BCAS3: variants seen among roughly 807,000 people sequenced by gnomAD.
BCAS3 encodes the protein BCAS4/BCAS3 fusion.
A neutral mutation model predicts 116.1 loss-of-function variants in BCAS3; 53 were observed. The ratio of observed to expected loss-of-function variants is 0.46; its 90% CI spans 0.37 to 0.57. The LOEUF (loss-of-function observed/expected upper bound fraction) is 0.57, where lower values mean the gene tolerates loss of function less well. Ranked by LOEUF, BCAS3 falls within the 20% of genes least tolerant of loss-of-function variation. The pLI is 0.00. For missense variants in BCAS3, 917 were observed against 1,165.4 expected, an observed-to-expected ratio of 0.79 and a Z score of 3.10; for synonymous variants, 391 against 408.2, an observed-to-expected ratio of 0.96 and a Z score of 0.51.
At chr17:60,913,433 C>A (rs2058620910) in intron 12 of BCAS3, among the ~76,000 whole-genome samples, 2 of 152,032 alleles carry the variant, frequency 1.3e-5, no homozygotes, top group African/African-American at 4.8e-5. Context: ...GCAACAAGAT[C>A]TGTGCAGTAT....
At chr17:60,921,109 T>A (rs1234738194) in intron 12 of BCAS3, among the ~76,000 whole-genome samples, 1 of 152,032 alleles carries the variant, frequency 6.6e-6, no homozygotes, top group Non-Finnish European at 1.5e-5. Flanking sequence ...AAAAGAGACA[T>A]GTATATTAAT....
intron 22 of BCAS3, among the ~76,000 whole-genome samples, chr17:61,322,383 A>T (rs2055292336): frequency 6.6e-6 from 1 of 152,168 alleles, no homozygotes; most frequent in East Asian, 1.9e-4. Flanking sequence ...AGTTTTTAAG[A>T]TCAGAAAGAA....
intron 22 of BCAS3, among the ~76,000 whole-genome samples, chr17:61,108,411 A>C (rs1013866027): frequency 2.0e-5 from 3 of 152,008 alleles, no homozygotes; most frequent in African/African-American, 7.3e-5. Context: ...TTTGTAGACC[A>C]TTTACATTGA....
At chr17:60,733,661 G>C (rs1476028762) in intron 5 of BCAS3, among the ~76,000 whole-genome samples, 2 of 152,006 alleles carry the variant, frequency 1.3e-5, no homozygotes, top group Non-Finnish European at 2.9e-5. Context: ...GGGCAACTTT[G>C]TGAGACCCCA....
In BCAS3 at chr17:61,082,384, A is replaced by G. The variant is rs879670711; in HGVS notation, c.2328-2083A>G. ...TTCTCTTTTTTTAATTATGAAGAAA[A>G]TTCAAACATGTATAAAATAAAAAGA... is the stretch of plus-strand genomic sequence containing the variant. On this transcript the variant is annotated intron_variant, in intron 21 of 23. Transcript: ENST00000407086. This position sits in a 1 kb window ranked among gnomAD's most constrained non-coding sequence, Gnocchi z 5.1. Among the ~76,000 whole-genome samples, 2 of 152,108 alleles carry G rather than the reference A, an allele frequency of 1.3e-5. No homozygotes were observed. The highest frequency in any genetic ancestry group is 2.9e-5 in the Non-Finnish European group (2 of 68,028).
Position 61,388,186 on chromosome 17 carries a change from C to G in BCAS3, c.2594-3791C>G, listed in dbSNP as rs1339544237. The G allele has an allele frequency of 1.9e-5, 3 of 157,846 alleles. No individual in the cohort carries two copies. The highest frequency in any genetic ancestry group is 7.2e-5 in the African/African-American group (3 of 41,546). 9.8% of individuals were successfully genotyped at this position (157,846 alleles called of 1,614,324 possible). A position where few individuals can be genotyped will look rare whatever the true frequency, so the allele number is the denominator to read the frequency against. ...GGGAGTGGGGGAGGAGGGCAGCAGC[C>G]AGGAGTTGGGCCACTGAGTCAGAAG... On this transcript the variant is annotated intron_variant, in intron 23 of 23. Transcript: ENST00000407086. The surrounding 1 kb of genome is among the most constrained non-coding windows in gnomAD (Gnocchi z 6.5).
chr17:61,271,589 CTGTGTGTGTGTGTGTGTGTG>C lies in BCAS3; in HGVS notation c.2426-96712_2426-96693del, dbSNP rs34693526. On this transcript the variant is annotated intron_variant, in intron 22 of 23. Transcript: ENST00000407086. ...CAGGCGCCCGCCATCACGCCCAGCT[CTGTGTGTGTGTGTGTGTGTG>C]TGTGTGTGTGTGTGTGTGTGTGTGT... is the stretch of plus-strand genomic sequence containing the variant. 4.0e-4 allele frequency among the ~76,000 whole-genome samples: 47 copies of C among 118,432 alleles called. No individual in the cohort carries two copies. The South Asian group carries it at 5.7e-3, about 14-fold the overall frequency. The allele number at this position is 118,432 out of a possible 152,430, so 77.7% of individuals were successfully genotyped here.
At chr17:60,737,828 C>G (rs1235374941) in intron 5 of BCAS3, among the ~76,000 whole-genome samples, 1 of 151,680 alleles carries the variant, frequency 6.6e-6, no homozygotes, top group East Asian at 1.9e-4. Flanking sequence ...CTCTTGTTGC[C>G]TGGGCTGGAG....
At chr17:61,252,288 T>C (rs2048428865) in intron 22 of BCAS3, among the ~76,000 whole-genome samples, 1 of 152,198 alleles carries the variant, frequency 6.6e-6, no homozygotes, top group African/African-American at 2.4e-5. Flanking sequence ...GGTAAGATTG[T>C]TATGAAAAGA....
chr17:60,850,937 T>C (rs1002664382), intron 7 of BCAS3, among the ~76,000 whole-genome samples: 9 of 152,222 alleles, frequency 5.9e-5, no homozygotes, highest in African/African-American at 1.9e-4. Context: ...GCAAGTTATT[T>C]TGTGGATATG....
At chr17:60,971,079 T>C (rs2061932854) in intron 14 of BCAS3, among the ~76,000 whole-genome samples, 1 of 152,202 alleles carries the variant, frequency 6.6e-6, no homozygotes, top group South Asian at 2.1e-4. Flanking sequence ...AGCAGCTTGA[T>C]TCCAGTCATT....
At chr17:61,059,805 C>T (rs912953107) in intron 19 of BCAS3, among the ~76,000 whole-genome samples, 1 of 152,106 alleles carries the variant, frequency 6.6e-6, no homozygotes, top group Non-Finnish European at 1.5e-5. Flanking sequence ...TTGGGCAGAT[C>T]GCTTGAGTCC....
At chr17:61,262,626 C>T (rs1441609578) in intron 22 of BCAS3, among the ~76,000 whole-genome samples, 4 of 152,116 alleles carry the variant, frequency 2.6e-5, no homozygotes, top group African/African-American at 9.7e-5. Flanking sequence ...GGTGATCCAC[C>T]CGCCTCGGCC....
At chr17:61,299,591 T>C (rs75111942) in intron 22 of BCAS3, among the ~76,000 whole-genome samples, 1 of 152,308 alleles carries the variant, frequency 6.6e-6, no homozygotes, top group African/African-American at 2.4e-5. Flanking sequence ...AAGAATCTCA[T>C]TAATATTTGT....
chr17:61,257,849 G>T (rs926896247), intron 22 of BCAS3, among the ~76,000 whole-genome samples: 10 of 152,156 alleles, frequency 6.6e-5, no homozygotes, highest in Admixed American at 3.3e-4. Context: ...CAAACACAGT[G>T]CTTAATAGTA....
In BCAS3 at chr17:61,126,453, G is replaced by A. The variant is rs1488230249; in HGVS notation, c.2425+41889G>A. ...TCTTTCCTTTTAGTGAAAAACCGAAGGACAATAGTCATTATATGATTTTGT... is the reference window on the plus strand; with the variant it reads ...TCTTTCCTTTTAGTGAAAAACCGAAAGACAATAGTCATTATATGATTTTGT... On this transcript the variant is annotated intron_variant, in intron 22 of 23. Transcript: ENST00000407086. The surrounding 1 kb of genome is among the most constrained non-coding windows in gnomAD (Gnocchi z 4.6). Among the ~76,000 whole-genome samples, 1 of 152,114 alleles carries A rather than the reference G, an allele frequency of 6.6e-6. No homozygotes were observed. Among genetic ancestry groups the A allele is most frequent in the African/African-American group, 2.4e-5 (1 of 41,434 alleles).
At chr17:61,149,730 G>C (rs2077441291) in intron 22 of BCAS3, among the ~76,000 whole-genome samples, 1 of 152,176 alleles carries the variant, frequency 6.6e-6, no homozygotes, top group South Asian at 2.1e-4. Flanking sequence ...TGAAAAGAGA[G>C]TGCACCCTGT....
At chr17:61,328,480 A>T (rs2055920234) in intron 22 of BCAS3, among the ~76,000 whole-genome samples, 1 of 152,232 alleles carries the variant, frequency 6.6e-6, no homozygotes, top group Non-Finnish European at 1.5e-5. Flanking sequence ...TCAAAGTGCC[A>T]GCAAGCCTGG....
intron 13 of BCAS3, among the ~76,000 whole-genome samples, chr17:60,940,218 G>A (rs963701069): frequency 2.6e-5 from 4 of 152,086 alleles, no homozygotes; most frequent in Non-Finnish European, 5.9e-5. Context: ...ATTTATGTTG[G>A]TTATGGATAT....
Sources: allele counts gnomAD v4.1 joint callset (sites outside exome capture counted in the v4.1 genomes callset), GRCh38; gene constraint gnomAD v4.1.1; non-coding constraint Gnocchi (gnomAD v3.1); transcripts MANE v1.5; gene names NCBI Gene and HGNC (gene_info 2026-07-23, HGNC 2026-07-21).